The following CSMD1 variants were observed in gnomAD, a reference collection of about 807,000 sequenced individuals.
The protein encoded by CSMD1 is CUB and sushi domain-containing protein 1.
In CSMD1, 213 loss-of-function variants were observed where a neutral mutation model predicts 417.5. The ratio of observed to expected loss-of-function variants is 0.51; its 90% CI spans 0.46 to 0.57. The LOEUF is 0.57. CSMD1 is among the 20% of genes least tolerant of loss of function. The pLI, the probability that CSMD1 is intolerant of heterozygous loss-of-function variation, is 0.00. For synonymous variants in CSMD1, 2,862 were observed against 1,736.8 expected (o/e 1.65, Z -16.11); for missense variants, 6,923 against 4,529.7 (o/e 1.53, Z -15.17).
At chr8:3,059,309 A>C (rs574596534) in intron 49 of CSMD1, among the ~76,000 whole-genome samples, 3 of 150,876 alleles carry the variant, frequency 2.0e-5, no homozygotes, top group Admixed American at 2.0e-4. Flanking sequence ...CAAAAACACG[A>C]GGGCTTCTGT....
At chr8:3,699,179 A>T (rs922084277) in intron 7 of CSMD1, among the ~76,000 whole-genome samples, 3 of 152,210 alleles carry the variant, frequency 2.0e-5, no homozygotes, top group Non-Finnish European at 2.9e-5. Flanking sequence ...AAATTAGTAC[A>T]TTACACTGTG....
Position 2,949,398 on chromosome 8 carries a change from G to GAAATAAAAGA in CSMD1, c.10315-13_10315-12insTCTTTTATTT. 2.6e-6 allele frequency: 3 copies of GAAATAAAAGA among 1,145,632 alleles called. No homozygotes were observed. Among genetic ancestry groups the GAAATAAAAGA allele is most frequent in the African/African-American group, 3.1e-5 (2 of 63,986 alleles). 71.0% of individuals were successfully genotyped at this position (1,145,632 alleles called of 1,614,324 possible). ...AGTCCAGATGACACCTGACACATAG[G>GAAATAAAAGA]AAAGAAAAGAAAAGAAATAAAAAGG... On this transcript the variant is annotated splice_polypyrimidine_tract_variant and intron_variant, in intron 67 of 69. Transcript: ENST00000635120.
At chr8:3,092,437 C>T (rs1481250945) in intron 47 of CSMD1, among the ~76,000 whole-genome samples, 1 of 152,086 alleles carries the variant, frequency 6.6e-6, no homozygotes, top group Non-Finnish European at 1.5e-5. Flanking sequence ...ACATGCATAA[C>T]CATGACCCAT....
intron 3 of CSMD1, among the ~76,000 whole-genome samples, chr8:4,259,188 G>C (rs1585113991): frequency 6.6e-6 from 1 of 152,166 alleles, no homozygotes; most frequent in African/African-American, 2.4e-5. Context: ...CACTCTAGAA[G>C]TCACTTTCCA....
chr8:3,816,534 T>A (rs1709564264), intron 5 of CSMD1, among the ~76,000 whole-genome samples: 3 of 152,178 alleles, frequency 2.0e-5, no homozygotes, highest in Admixed American at 6.5e-5. Context: ...AGTTAATAAG[T>A]ACAAATATAC....
At chr8:3,874,802 A>G (rs781725340) in intron 5 of CSMD1, among the ~76,000 whole-genome samples, 1 of 152,138 alleles carries the variant, frequency 6.6e-6, no homozygotes, top group African/African-American at 2.4e-5. Flanking sequence ...CAGACATTAA[A>G]TAGGACACAC....
chr8:4,485,959 G>A (rs1023389448), intron 2 of CSMD1, among the ~76,000 whole-genome samples: 1 of 151,766 alleles, frequency 6.6e-6, no homozygotes, highest in Non-Finnish European at 1.5e-5. Context: ...TCATCACTCT[G>A]ATATTGATAC....
intron 2 of CSMD1, among the ~76,000 whole-genome samples, chr8:4,597,082 G>T (rs1800324803): frequency 6.7e-6 from 1 of 149,984 alleles, no homozygotes; most frequent in African/African-American, 2.4e-5. Context: ...TTTTTCAGCA[G>T]CATGAAAACA....
chr8:4,101,902 A>G (rs10091045), intron 3 of CSMD1, among the ~76,000 whole-genome samples: 28,552 of 152,096 alleles, frequency 0.19, 2,868 homozygotes, highest in South Asian at 0.38. Flanking sequence ...TATCTCTCCT[A>G]ATAATGTACA....
chr8:4,481,104 C>A (rs559772581), intron 2 of CSMD1, among the ~76,000 whole-genome samples: 2 of 152,186 alleles, frequency 1.3e-5, no homozygotes, highest in African/African-American at 4.8e-5. Flanking sequence ...TTTTCCACTC[C>A]AGCCTTATTT....
intron 6 of CSMD1, among the ~76,000 whole-genome samples, chr8:3,740,256 C>T (rs1163316902): frequency 1.3e-5 from 2 of 152,166 alleles, no homozygotes; most frequent in Admixed American, 6.5e-5. Flanking sequence ...CAGGCACCTG[C>T]CAACATGCCC....
chr8:3,278,402 A>C (rs1584916937), intron 26 of CSMD1: 1 of 152,200 alleles, frequency 6.6e-6, no homozygotes, highest in African/African-American at 2.4e-5. Context: ...TCTAATGCTT[A>C]TTTCACATGT....
chr8:4,573,680 C>T (rs1002831388), intron 2 of CSMD1, among the ~76,000 whole-genome samples: 1 of 152,126 alleles, frequency 6.6e-6, no homozygotes, highest in Non-Finnish European at 1.5e-5. Context: ...GTCTTCAGAG[C>T]CAGCAGGCAG....
intron 3 of CSMD1, among the ~76,000 whole-genome samples, chr8:4,285,786 C>A (rs564072758): frequency 6.6e-6 from 1 of 152,298 alleles, no homozygotes; most frequent in African/African-American, 2.4e-5. Flanking sequence ...GCAGGCTCTG[C>A]TTCTTCTCCA....
At chr8:3,551,590 ATATATATTTTT>A (rs1266797718) in intron 10 of CSMD1, among the ~76,000 whole-genome samples, 70 of 105,098 alleles carry the variant, frequency 6.7e-4, no homozygotes, top group African/African-American at 2.8e-3. Flanking sequence ...ATATATATAT[ATATATATTTTT>A]TTTTTTTTTT....
chr8:3,721,021 C>G (rs1017137106), intron 6 of CSMD1, among the ~76,000 whole-genome samples: 1 of 152,016 alleles, frequency 6.6e-6, no homozygotes, highest in Non-Finnish European at 1.5e-5. Flanking sequence ...CGGGGTTTCA[C>G]CATGTTAGTC....
At chr8:4,510,333 A>T (rs1802745449) in intron 2 of CSMD1, among the ~76,000 whole-genome samples, 1 of 142,892 alleles carries the variant, frequency 7.0e-6, no homozygotes, top group Admixed American at 7.3e-5. Context: ...AATATTTCCC[A>T]GGTTAGCCAT....
chr8:3,199,846 C>G (rs1371443077), intron 32 of CSMD1, 37 bp from the exon 33 acceptor site: 2 of 1,317,516 alleles, frequency 1.5e-6, no homozygotes, highest in Admixed American at 4.0e-5. Context: ...AGAAAACACA[C>G]AGCACCGTGG....
At chr8:4,116,278 G>A (rs1203767641) in intron 3 of CSMD1, among the ~76,000 whole-genome samples, 1 of 151,942 alleles carries the variant, frequency 6.6e-6, no homozygotes, top group African/African-American at 2.4e-5. Context: ...ACAAGTGTGA[G>A]CCACCGCACC....
Sources: allele counts gnomAD v4.1 joint callset (sites outside exome capture counted in the v4.1 genomes callset), GRCh38; gene constraint gnomAD v4.1.1; transcripts MANE v1.5; gene names NCBI Gene and HGNC (gene_info 2026-07-23, HGNC 2026-07-21).